The following ODAD2 variants were observed in gnomAD, a reference collection of about 807,000 sequenced individuals.
ODAD2 encodes outer dynein arm docking complex subunit 2.
A neutral mutation model predicts 106.8 loss-of-function variants in ODAD2; 89 were observed. The ratio of observed to expected loss-of-function variants is 0.83; its 90% CI spans 0.70 to 0.99. The LOEUF (loss-of-function observed/expected upper bound fraction) is 0.99, where lower values mean the gene tolerates loss of function less well. Ranked by LOEUF, ODAD2 falls within the 50% of genes least tolerant of loss-of-function variation. The pLI is 0.00. For missense variants in ODAD2, 1,168 were observed against 1,238.5 expected (o/e 0.94, Z 0.85); for synonymous variants, 404 against 436.2 (o/e 0.93, Z 0.92).
At chr10:27,823,061 G>T (rs1300198692) in intron 19 of ODAD2, among the ~76,000 whole-genome samples, 1 of 151,714 alleles carries the variant, frequency 6.6e-6, no homozygotes, top group African/African-American at 2.4e-5. Context: ...AGAATGACTT[G>T]ATGACTGGCT....
intron 17 of ODAD2, among the ~76,000 whole-genome samples, chr10:27,875,564 G>A (rs1159457950): frequency 6.6e-6 from 1 of 151,946 alleles, no homozygotes; most frequent in East Asian, 1.9e-4. Context: ...GTTAGTTTTG[G>A]TGGTTCCAAG....
chr10:27,873,658 G>A (rs1841084793), intron 17 of ODAD2, among the ~76,000 whole-genome samples: 1 of 152,136 alleles, frequency 6.6e-6, no homozygotes, highest in Admixed American at 6.5e-5. Flanking sequence ...CCATGTAGTT[G>A]AGTGGTTTTG....
chr10:27,841,419 G>A lies in ODAD2; in HGVS notation c.3021+19206C>T, dbSNP rs1046399186. On this transcript the variant is annotated intron_variant, in intron 19 of 19. Coordinates refer to ENST00000305242, the MANE Select transcript of ODAD2 (RefSeq NM_018076.5). Reference sequence around the variant, plus strand: ...TTTTTCTTATTTTTATTTTTTTTTCGGAGTCTTGCTCTGTCACCTAGGCTG... The same window carrying A: ...TTTTTCTTATTTTTATTTTTTTTTCAGAGTCTTGCTCTGTCACCTAGGCTG... 5.5e-5 allele frequency among the ~76,000 whole-genome samples: 8 copies of A among 145,906 alleles called. No individual in the cohort carries two copies. The Admixed American group carries it at 5.5e-4, about 10-fold the overall frequency.
chr10:27,961,223 C>G (rs1258765898), intron 10 of ODAD2, among the ~76,000 whole-genome samples: 1 of 152,162 alleles, frequency 6.6e-6, no homozygotes, highest in Non-Finnish European at 1.5e-5. Flanking sequence ...GTAAGGGAAA[C>G]AGCCTGGAGT....
intron 19 of ODAD2, 108 bp from the exon 20 acceptor site, chr10:27,812,733 C>A: frequency 7.2e-7 from 1 of 1,396,566 alleles, no homozygotes; most frequent in Non-Finnish European, 9.3e-7. Flanking sequence ...TTTTTAAAAC[C>A]ACCAAAAAAG....
intron 2 of ODAD2, among the ~76,000 whole-genome samples, chr10:27,990,233 G>T (rs1385380857): frequency 6.6e-6 from 1 of 151,926 alleles, no homozygotes; most frequent in Non-Finnish European, 1.5e-5. Flanking sequence ...CTGCAGCCTC[G>T]AACTCCTGGG....
At chr10:27,822,913 G>A (rs370898426) in intron 19 of ODAD2, among the ~76,000 whole-genome samples, 1 of 152,076 alleles carries the variant, frequency 6.6e-6, no homozygotes, top group Non-Finnish European at 1.5e-5. Flanking sequence ...GTTTCTTCAC[G>A]AACTTTCCAC....
At chr10:27,840,737 G>C (rs1169445861) in intron 19 of ODAD2, among the ~76,000 whole-genome samples, 1 of 152,222 alleles carries the variant, frequency 6.6e-6, no homozygotes, top group Non-Finnish European at 1.5e-5. Flanking sequence ...AGAGATGGCA[G>C]TTGGAAAAAA....
chr10:27,954,972 A>T (rs1002748311), intron 10 of ODAD2, among the ~76,000 whole-genome samples: 2 of 152,208 alleles, frequency 1.3e-5, no homozygotes. Flanking sequence ...TGGAATTTAA[A>T]TATGTTATGA....
intron 16 of ODAD2, among the ~76,000 whole-genome samples, chr10:27,929,904 T>A (rs562220493): frequency 6.6e-6 from 1 of 152,264 alleles, no homozygotes; most frequent in Non-Finnish European, 1.5e-5. Flanking sequence ...ACTAAGATCT[T>A]TTGGGGTCTT....
intron 1 of ODAD2, among the ~76,000 whole-genome samples, chr10:27,998,762 C>A (rs2133259355): frequency 6.6e-6 from 1 of 152,214 alleles, no homozygotes; most frequent in Admixed American, 6.5e-5. Context: ...GGCTGCAGAA[C>A]CCCTGCGGGG....
chr10:27,847,362 A>G (rs1466511933), intron 19 of ODAD2, among the ~76,000 whole-genome samples: 1 of 152,236 alleles, frequency 6.6e-6, no homozygotes, highest in African/African-American at 2.4e-5. Flanking sequence ...GGCCTTTGAC[A>G]AAATTCAACA....
At chr10:27,928,139 T>A (rs1029563949) in intron 16 of ODAD2, among the ~76,000 whole-genome samples, 18 of 152,230 alleles carry the variant, frequency 1.2e-4, no homozygotes, top group African/African-American at 4.3e-4. Context: ...ATTGGAGGTA[T>A]AATAATGAAC....
Position 27,971,159 on chromosome 10 carries a change from G to C in ODAD2, c.1091C>G (p.Thr364Ser). 6.2e-7 allele frequency: 1 copy of C among 1,613,758 alleles called. No individual in the cohort carries two copies. The highest frequency in any genetic ancestry group is 1.1e-5 in the South Asian group (1 of 91,080). The change falls in exon 8 of 20, where the codon ACC becomes AGC. Residue 364 changes from threonine (T) to serine (S), a missense_variant. Coordinates refer to ENST00000305242, the MANE Select transcript of ODAD2 (RefSeq NM_018076.5). ...NQINFWRNQM[T>S]KRWEPSLNWK... ...GTTTAAGCTTGGTTCCCATCTCTTG[G>C]TCATTTGATTCCTCCAAAAATTAAT...
chr10:27,960,324 TTATTATTATTATTATTA>T (rs1848040573), intron 10 of ODAD2, among the ~76,000 whole-genome samples: 1 of 110,402 alleles, frequency 9.1e-6, no homozygotes, highest in South Asian at 2.9e-4. Context: ...ATTATTATTA[TTATTATTATTATTATTA>T]TTATTATTAT....
At chr10:27,911,072 AT>A (rs1302804991) in intron 16 of ODAD2, among the ~76,000 whole-genome samples, 1 of 152,114 alleles carries the variant, frequency 6.6e-6, no homozygotes, top group Admixed American at 6.5e-5. Context: ...GAATACACAG[AT>A]TTTTTTCCAA....
At chr10:27,842,476 T>A (rs1054510145) in intron 19 of ODAD2, among the ~76,000 whole-genome samples, 5 of 152,210 alleles carry the variant, frequency 3.3e-5, no homozygotes, top group Admixed American at 2.6e-4. Context: ...TTTCCTCTGA[T>A]TACAATAAAT....
In ODAD2 at chr10:27,958,938, C is replaced by A. The variant is rs1337281807; in HGVS notation, c.1386+2630G>T. On this transcript the variant is annotated intron_variant, in intron 10 of 19. Transcript: ENST00000305242. ...TCTGGTATTCTGCTTCCTGATCCATCTTTTGTTTCTGCCATTTTGACTTGT... is the reference window on the plus strand; with the variant it reads ...TCTGGTATTCTGCTTCCTGATCCATATTTTGTTTCTGCCATTTTGACTTGT... 3.1e-6 allele frequency: 4 copies of A among 1,303,866 alleles called. No individual in the cohort carries two copies. The South Asian group carries it at 3.7e-5, about 12-fold the overall frequency. The allele number at this position is 1,303,866 out of a possible 1,614,324, so 80.8% of individuals were successfully genotyped here.
At chr10:27,924,996 A>AG (rs1845158411) in intron 16 of ODAD2, among the ~76,000 whole-genome samples, 1 of 151,680 alleles carries the variant, frequency 6.6e-6, no homozygotes, top group African/African-American at 2.4e-5. Context: ...ATGAAAAAAA[A>AG]AAAAAAATCC....
Sources: gnomAD v4.1 joint callset for allele counts (sites outside exome capture counted in the v4.1 genomes callset) on GRCh38, gnomAD v4.1.1 for gene constraint, MANE v1.5 for transcripts, NCBI Gene and HGNC (gene_info 2026-07-23, HGNC 2026-07-21) for gene names.